The following CYP4A11 variants were observed in gnomAD, a reference collection of about 807,000 sequenced individuals.
CYP4A11 encodes cytochrome P450 4A11.
A neutral mutation model predicts 57.7 loss-of-function variants in CYP4A11; 52 were observed. The ratio of observed to expected loss-of-function variants is 0.90; its 90% CI spans 0.72 to 1.14. CYP4A11 has a LOEUF of 1.14. Ranked by LOEUF, CYP4A11 falls within the 50% of genes most tolerant of loss-of-function variation. The pLI is 0.00. For synonymous variants in CYP4A11, 228 were observed against 247.1 expected (o/e 0.92, Z 0.72); for missense variants, 641 against 642.1 (o/e 1.00, Z 0.02).
Position 46,935,388 on chromosome 1 carries a change from G to A in CYP4A11, c.635+135C>T, listed in dbSNP as rs577613992. The A allele has an allele frequency of 4.2e-5, 63 of 1,510,038 alleles. No homozygotes were observed. In the South Asian group the frequency reaches 7.5e-4, roughly 18 times the overall value. The allele number at this position is 1,510,038 out of a possible 1,614,324, so 93.5% of individuals were successfully genotyped here. ...CCTGAGACTTTGTTTGGTCTGGACT[G>A]GAATTAGAGTTTGGTCAGGGACTGA... is the stretch of plus-strand genomic sequence containing the variant. On this transcript the variant is annotated intron_variant, in intron 5 of 11. Coordinates refer to ENST00000310638, the MANE Select transcript of CYP4A11 (RefSeq NM_000778.4).
At chr1:46,933,812 C>T in intron 9 of CYP4A11, 134 bp downstream of exon 9, 1 of 1,394,602 alleles carries the variant, frequency 7.2e-7, no homozygotes, top group Non-Finnish European at 9.6e-7. Flanking sequence ...ATCCCAAGTA[C>T]AAAGTATGTT....
chr1:46,938,565 G>A lies in CYP4A11; in HGVS notation c.196-428C>T, dbSNP rs143113449. 6.8e-4 allele frequency among the ~76,000 whole-genome samples: 103 copies of A among 152,202 alleles called. 1 individual carries two copies. The highest frequency in any genetic ancestry group is 3.4e-3 in the Middle Eastern group (1 of 294). ...TTGTTATATTTTCAATATTATCCCAGCATATACGGTAAATATTTGTTAAGA... is the reference window on the plus strand; with the variant it reads ...TTGTTATATTTTCAATATTATCCCAACATATACGGTAAATATTTGTTAAGA... On this transcript the variant is annotated intron_variant, in intron 1 of 11. Coordinates refer to ENST00000310638, the MANE Select transcript of CYP4A11 (RefSeq NM_000778.4).
In CYP4A11 at chr1:46,936,756, A is replaced by G. The variant is rs2148461741; in HGVS notation, c.418T>C (p.Phe140Leu). The G allele has an allele frequency of 1.2e-6, 2 of 1,613,610 alleles. No homozygotes were observed. The highest frequency in any genetic ancestry group is 2.2e-5 in the East Asian group (1 of 44,844). ...GLLLLNGQTW[F>L]QHRRMLTPAF... ...GGGGTCAGCATCCGTCGATGCTGGA[A>G]CCATGTCTGCCCATTCAACAGGAGC... is the stretch of plus-strand genomic sequence containing the variant. Residue 140 changes from phenylalanine to leucine, a missense_variant, in exon 4 of 12, where the codon TTC becomes CTC. By Grantham distance (22) the Phe-to-Leu change is conservative. Transcript: ENST00000310638.
intron 1 of CYP4A11, among the ~76,000 whole-genome samples, chr1:46,940,308 C>G (rs9332983): frequency 6.6e-6 from 1 of 152,174 alleles, no homozygotes; most frequent in African/African-American, 2.4e-5. Context: ...AATCTCATAA[C>G]GTTTTAAGAA....
At chr1:46,937,817 C>G (rs959633828) in intron 2 of CYP4A11, among the ~76,000 whole-genome samples, 179 bp downstream of exon 2, 1 of 152,160 alleles carries the variant, frequency 6.6e-6, no homozygotes, top group Non-Finnish European at 1.5e-5. Flanking sequence ...TTGTTTTAAA[C>G]ATTCGGAGTT....
chr1:46,935,251 C>T, intron 5 of CYP4A11, 97 bp from the exon 6 acceptor site: 1 of 1,424,906 alleles, frequency 7.0e-7, no homozygotes, highest in Non-Finnish European at 9.6e-7. Context: ...ATAATGGGGA[C>T]AAGCAGCCTT....
rs1680913554 is a variant in CYP4A11 at position 46,930,026 on chromosome 1, G to A, written c.*89C>T. The A allele has an allele frequency of 1.4e-6, 2 of 1,453,140 alleles. No individual in the cohort carries two copies. Among genetic ancestry groups the A allele is most frequent in the East Asian group, 2.5e-5 (1 of 40,710 alleles). 90.0% of individuals were successfully genotyped at this position (1,453,140 alleles called of 1,614,324 possible). A position where few individuals can be genotyped will look rare whatever the true frequency, so the allele number is the denominator to read the frequency against. On this transcript the variant is annotated 3_prime_UTR_variant, in exon 12 of 12. Transcript: ENST00000310638. ...GGGACAGCAGGCAGGTGGGAAGAAG[G>A]GAAGGTGGGCAGACAGAAAACAGGA... is the stretch of plus-strand genomic sequence containing the variant.
intron 11 of CYP4A11, 76 bp downstream of exon 11, chr1:46,932,685 A>T: frequency 6.2e-7 from 1 of 1,611,946 alleles, no homozygotes; most frequent in South Asian, 1.1e-5. Context: ...TATGAACATC[A>T]GGCTCACAAA....
At chr1:46,940,636 C>T in intron 1 of CYP4A11, 1 of 984,224 alleles carries the variant, frequency 1.0e-6, no homozygotes, top group Non-Finnish European at 1.2e-6. Flanking sequence ...TTTTCAGATC[C>T]TAAATCACCT....
chr1:46,930,162 G>A lies in CYP4A11; in HGVS notation c.1513C>T (p.Arg505Cys), dbSNP rs765836836. The change falls in exon 12 of 12, where the codon CGT (arginine) becomes TGT (cysteine). Residue 505 changes from arginine to cysteine, a missense_variant. Physicochemically the swap from Arg to Cys is radical, Grantham distance 180 (BLOSUM62 -3). Transcript: ENST00000310638. ...VLKSKNGIHL[R>C]LRRLPNPCED... ...CAAGGGTTAGGGAGCCTCCTGAGAC[G>A]CAGGTGGATTCCATTTTTGGATTTC... The A allele has an allele frequency of 7.4e-6, 12 of 1,614,018 alleles. No homozygotes were observed. Among genetic ancestry groups the A allele is most frequent in the Admixed American group, 1.7e-5 (1 of 59,996 alleles).
chr1:46,938,328 C>G (rs1681547248), intron 1 of CYP4A11, among the ~76,000 whole-genome samples, 191 bp from the exon 2 acceptor site: 1 of 152,198 alleles, frequency 6.6e-6, no homozygotes, highest in Admixed American at 6.5e-5. Context: ...GCTATGAGCC[C>G]TCGCTCAATG....
At chr1:46,932,192 C>T in intron 11 of CYP4A11, 1 of 992,484 alleles carries the variant, frequency 1.0e-6, no homozygotes, top group Non-Finnish European at 1.2e-6. Context: ...ATATGACACA[C>T]ACTGTTGTAA....
chr1:46,936,124 G>T (rs1681373391), intron 4 of CYP4A11, among the ~76,000 whole-genome samples: 1 of 152,252 alleles, frequency 6.6e-6, no homozygotes, highest in South Asian at 2.1e-4. Context: ...TCATCAAAAT[G>T]TGCTGGGCAC....
intron 11 of CYP4A11, chr1:46,932,476 A>G (rs1681084278): frequency 6.0e-5 from 77 of 1,293,026 alleles, no homozygotes; most frequent in Non-Finnish European, 7.5e-5. Context: ...CCTTAAAGTG[A>G]GGAAAATACA....
chr1:46,933,059 G>T lies in CYP4A11; in HGVS notation c.1223-12C>A, dbSNP rs781048941. ...GAGGACCATGATACCTGTGGTGCAG[G>T]TTGGAAACAGAGAGAAGACCAATCA... is the stretch of plus-strand genomic sequence containing the variant. On this transcript the variant is annotated splice_polypyrimidine_tract_variant and intron_variant, in intron 9 of 11. Transcript: ENST00000310638. The T allele has an allele frequency of 3.7e-6, 6 of 1,613,996 alleles. No individual in the cohort carries two copies. The highest frequency in any genetic ancestry group is 5.1e-6 in the Non-Finnish European group (6 of 1,180,000).
In CYP4A11 at chr1:46,930,073, C is replaced by A. The variant is rs763466642; in HGVS notation, c.*42G>T. On this transcript the variant is annotated 3_prime_UTR_variant, in exon 12 of 12. Transcript: ENST00000310638. Reference sequence around the variant, plus strand: ...AGGATATGGGCAGACAGGAAGGGGACAGAAGCGGGGGTCAGGAAGACAGGA... The same window carrying A: ...AGGATATGGGCAGACAGGAAGGGGAAAGAAGCGGGGGTCAGGAAGACAGGA... 1 of 1,574,580 alleles carries A rather than the reference C, an allele frequency of 6.4e-7. No individual in the cohort carries two copies. Among genetic ancestry groups the A allele is most frequent in the African/African-American group, 1.3e-5 (1 of 74,150 alleles).
chr1:46,937,190 T>G (rs1681461459), intron 3 of CYP4A11, 112 bp downstream of exon 3: 2 of 1,291,168 alleles, frequency 1.5e-6, no homozygotes, highest in Non-Finnish European at 2.2e-6. Context: ...GAGGCTTGAT[T>G]TGGGGATAAG....
intron 11 of CYP4A11, chr1:46,932,293 A>C (rs1681073894): frequency 9.8e-7 from 1 of 1,016,106 alleles, no homozygotes; most frequent in Non-Finnish European, 1.2e-6. Context: ...AGATGCAAAG[A>C]CTTCAATGAT....
chr1:46,941,385 C>T lies in CYP4A11; in HGVS notation c.49G>A (p.Gly17Arg). 6.2e-7 allele frequency: 1 copy of T among 1,614,164 alleles called. No individual in the cohort carries two copies. Among genetic ancestry groups the T allele is most frequent in the Non-Finnish European group, 8.5e-7 (1 of 1,180,028 alleles). The change falls in exon 1 of 12, where the codon GGA (glycine) becomes AGA (arginine). Residue 17 changes from glycine to arginine, a missense_variant. Transcript: ENST00000310638. ...AGCAGGGAGGCCGCTTGGAGGATTC[C>T]AGAGACATCACCCAGGAGTCTGCTG... ...SPSRLLGDVS[G>R]ILQAASLLIL... is the part of the protein sequence containing the mutation.
Sources: allele counts gnomAD v4.1 joint callset (sites outside exome capture counted in the v4.1 genomes callset), GRCh38; gene constraint gnomAD v4.1.1; transcripts MANE v1.5; gene names NCBI Gene and HGNC (gene_info 2026-07-23, HGNC 2026-07-21).